The following TMEM135 variants were observed in gnomAD, a reference collection of about 807,000 sequenced individuals.
TMEM135 encodes transmembrane protein 135, also known as peroxisomal membrane protein 52.
Under a neutral mutation model 60.3 loss-of-function variants are expected in TMEM135, and 30 were observed. That is an observed-to-expected ratio of 0.50 (90% CI 0.37 to 0.68). TMEM135 has a LOEUF of 0.68. TMEM135 is among the 30% of genes least tolerant of loss of function. TMEM135 has a pLI of 0.00. For synonymous variants in TMEM135, 190 were observed against 186.7 expected (o/e 1.02, Z -0.14); for missense variants, 468 against 548.8 (o/e 0.85, Z 1.47).
intron 3 of TMEM135, among the ~76,000 whole-genome samples, chr11:87,082,917 G>T (rs1857021126): frequency 6.6e-6 from 1 of 152,144 alleles, no homozygotes; most frequent in African/African-American, 2.4e-5. Context: ...TGTATAATCA[G>T]TTTTTCAAAA....
chr11:87,058,165 C>T (rs1949911389), intron 1 of TMEM135, among the ~76,000 whole-genome samples: 1 of 152,162 alleles, frequency 6.6e-6, no homozygotes, highest in Admixed American at 6.5e-5. Flanking sequence ...TCTCAGTCTA[C>T]TGATTCAAAT....
At chr11:87,214,079 A>G (rs925924079) in intron 5 of TMEM135, among the ~76,000 whole-genome samples, 7 of 152,196 alleles carry the variant, frequency 4.6e-5, no homozygotes, top group Non-Finnish European at 8.8e-5. Context: ...ACATTACTCT[A>G]TGGTGGTGTG....
At chr11:87,305,880 C>T in intron 8 of TMEM135, 56 bp from the exon 9 acceptor site, 2 of 1,309,662 alleles carry the variant, frequency 1.5e-6, no homozygotes, top group Non-Finnish European at 2.2e-6. Context: ...TGTACAAACA[C>T]ATGGATATAC....
At chr11:87,253,349 A>T (rs887403668) in intron 6 of TMEM135, among the ~76,000 whole-genome samples, 2 of 152,154 alleles carry the variant, frequency 1.3e-5, no homozygotes, top group African/African-American at 2.4e-5. Context: ...ATGGGACACA[A>T]TCATGTCAAA....
chr11:87,160,546 T>G (rs2135272478), intron 5 of TMEM135, among the ~76,000 whole-genome samples: 1 of 152,292 alleles, frequency 6.6e-6, no homozygotes, highest in South Asian at 2.1e-4. Context: ...GATTCTACTA[T>G]GCAATATAAT....
At chr11:87,113,564 C>T (rs982759824) in intron 4 of TMEM135, among the ~76,000 whole-genome samples, 1 of 151,936 alleles carries the variant, frequency 6.6e-6, no homozygotes, top group Admixed American at 6.6e-5. Context: ...GTGGCAGCAA[C>T]CTGGTAAACA....
At chr11:87,188,371 A>G (rs1409943509) in intron 5 of TMEM135, among the ~76,000 whole-genome samples, 1 of 152,040 alleles carries the variant, frequency 6.6e-6, no homozygotes, top group Non-Finnish European at 1.5e-5. Context: ...TTTTACCCTT[A>G]TCTTGTCTTT....
At chr11:87,172,875 A>G (rs1939276546) in intron 5 of TMEM135, among the ~76,000 whole-genome samples, 1 of 152,020 alleles carries the variant, frequency 6.6e-6, no homozygotes, top group African/African-American at 2.4e-5. Context: ...TAATTAAATA[A>G]TATTTAAAGA....
rs1263181990 is a variant in TMEM135, at chr11:87,321,788, A to G, written c.*455A>G. 2.2e-6 allele frequency: 1 copy of G among 454,600 alleles called. No individual in the cohort carries two copies. The highest frequency in any genetic ancestry group is 4.4e-6 in the Non-Finnish European group (1 of 226,854). The allele number at this position is 454,600 out of a possible 1,614,324, so 28.2% of individuals were successfully genotyped here. The stretch of plus-strand genomic sequence containing the variant: ...GTCTATATATTTTTTTAAAGTTTTG[A>G]ATTGGTATCTGTAGTAGTGGAATGT... On this transcript the variant is annotated 3_prime_UTR_variant, in exon 15 of 15. Coordinates refer to ENST00000305494, the MANE Select transcript of TMEM135 (RefSeq NM_022918.4).
At chr11:87,120,473 T>C (rs1858023554) in intron 4 of TMEM135, among the ~76,000 whole-genome samples, 2 of 46,534 alleles carry the variant, frequency 4.3e-5, no homozygotes, top group Non-Finnish European at 4.1e-5. Flanking sequence ...ATGAAATTTC[T>C]TTTTTTTTTT....
At chr11:87,044,357 A>G (rs1298753796) in intron 1 of TMEM135, among the ~76,000 whole-genome samples, 1 of 152,156 alleles carries the variant, frequency 6.6e-6, no homozygotes, top group African/African-American at 2.4e-5. Flanking sequence ...CTACAAGACC[A>G]GCAATGAGAC....
intron 4 of TMEM135, among the ~76,000 whole-genome samples, chr11:87,133,153 A>G (rs1039166089): frequency 6.6e-6 from 1 of 152,342 alleles, no homozygotes; most frequent in Non-Finnish European, 1.5e-5. Flanking sequence ...AATGGCAAAC[A>G]GTTTAAAACT....
In TMEM135 at chr11:87,044,942, C is replaced by T. The variant is rs113975287; in HGVS notation, c.141+6756C>T. Among the ~76,000 whole-genome samples, 392 of 152,116 alleles carry T rather than the reference C, an allele frequency of 2.6e-3. 5 individuals carry two copies. Among genetic ancestry groups the T allele is most frequent in the African/African-American group, 9.0e-3 (373 of 41,440 alleles). ...GATTACAGGCGTAAGCCACCACGCC[C>T]GGCCGTCATGTGGTCTTTTTTAAAT... On this transcript the variant is annotated intron_variant, in intron 1 of 14. Transcript: ENST00000305494.
chr11:87,092,197 CAA>C (rs1183641133), intron 4 of TMEM135, among the ~76,000 whole-genome samples: 4 of 152,058 alleles, frequency 2.6e-5, no homozygotes, highest in Admixed American at 6.6e-5. Flanking sequence ...TGCTGGTAAA[CAA>C]GAGATAGCTT....
intron 6 of TMEM135, among the ~76,000 whole-genome samples, chr11:87,258,295 G>A (rs1462499331): frequency 6.6e-6 from 1 of 151,666 alleles, no homozygotes; most frequent in African/African-American, 2.4e-5. Flanking sequence ...CAGCCAAAAT[G>A]TGCAGAGGAA....
chr11:87,136,712 G>C (rs1246673785), intron 4 of TMEM135, among the ~76,000 whole-genome samples: 1 of 150,174 alleles, frequency 6.7e-6, no homozygotes, highest in Non-Finnish European at 1.5e-5. Context: ...ATTTCTTCTT[G>C]TGAGAGCTGT....
intron 6 of TMEM135, among the ~76,000 whole-genome samples, chr11:87,237,619 G>A (rs887326831): frequency 3.3e-5 from 5 of 151,904 alleles, no homozygotes; most frequent in African/African-American, 1.2e-4. Flanking sequence ...TACATGAGAT[G>A]TTTTGATACA....
chr11:87,204,608 T>C (rs1384660696), intron 5 of TMEM135, among the ~76,000 whole-genome samples: 1 of 152,182 alleles, frequency 6.6e-6, no homozygotes, highest in African/African-American at 2.4e-5. Flanking sequence ...TAAAGTAAGC[T>C]AGAGAAAAGA....
rs1484855965 is a variant in TMEM135 at position 87,323,280 on chromosome 11, C to T, written c.*1947C>T. ...TTATGTAAAATGTAAAATGAAATAG[C>T]TATCATGAAGCAGAATACAATGATG... On this transcript the variant is annotated 3_prime_UTR_variant, in exon 15 of 15. Coordinates refer to ENST00000305494, the MANE Select transcript of TMEM135 (RefSeq NM_022918.4). The T allele has an allele frequency of 6.6e-6, 3 of 453,588 alleles. No homozygotes were observed. Among genetic ancestry groups the T allele is most frequent in the African/African-American group, 6.0e-5 (3 of 49,934 alleles). 28.1% of individuals were successfully genotyped at this position (453,588 alleles called of 1,614,324 possible). A position where few individuals can be genotyped will look rare whatever the true frequency, so the allele number is the denominator to read the frequency against.
Sources: allele counts gnomAD v4.1 joint callset (sites outside exome capture counted in the v4.1 genomes callset), GRCh38; gene constraint gnomAD v4.1.1; transcripts MANE v1.5; gene names NCBI Gene and HGNC (gene_info 2026-07-23, HGNC 2026-07-21).